GABRB2: variants seen among roughly 807,000 people sequenced by gnomAD.
GABRB2 encodes gamma-aminobutyric acid type A receptor subunit beta2.
GABRB2 carries 16 observed loss-of-function variants against 54.7 expected under a neutral mutation model. The observed-to-expected ratio is 0.29, with a 90% CI of 0.20 to 0.44. GABRB2 has a LOEUF of 0.44. Ranked by LOEUF, GABRB2 falls within the 20% of genes least tolerant of loss-of-function variation. GABRB2 has a pLI of 1.00. For missense variants in GABRB2, 355 were observed against 644.0 expected, an observed-to-expected ratio of 0.55 and a Z score of 4.86; for synonymous variants, 244 against 233.8, an observed-to-expected ratio of 1.04 and a Z score of -0.40.
chr5:161,469,525 A>AC (rs376036704), intron 3 of GABRB2, among the ~76,000 whole-genome samples: 1 of 151,342 alleles, frequency 6.6e-6, no homozygotes, highest in Non-Finnish European at 1.5e-5. Flanking sequence ...AAACCAAAAA[A>AC]CAAAAAACAA....
At chr5:161,411,408 A>C (rs2113115693) in intron 4 of GABRB2, among the ~76,000 whole-genome samples, 1 of 152,312 alleles carries the variant, frequency 6.6e-6, no homozygotes, top group Admixed American at 6.5e-5. Flanking sequence ...AATGTGGGCA[A>C]AGAATATTCC....
intron 5 of GABRB2, among the ~76,000 whole-genome samples, chr5:161,370,390 A>G (rs1417890220): frequency 2.6e-5 from 4 of 152,180 alleles, no homozygotes; most frequent in Non-Finnish European, 5.9e-5. Flanking sequence ...GCAGAAGTAG[A>G]GTTGAAAATA....
chr5:161,412,755 T>C (rs1756556157), intron 4 of GABRB2, among the ~76,000 whole-genome samples: 1 of 152,200 alleles, frequency 6.6e-6, no homozygotes, highest in South Asian at 2.1e-4. Flanking sequence ...ATAGAGCCCT[T>C]GCTCCTGATC....
chr5:161,519,196 A>C (rs1020330696), intron 3 of GABRB2, among the ~76,000 whole-genome samples: 10 of 152,204 alleles, frequency 6.6e-5, no homozygotes, highest in African/African-American at 2.4e-4. Context: ...GGAGACTGTA[A>C]GCCACAACTG....
chr5:161,378,967 A>G (rs2113479991), intron 5 of GABRB2, among the ~76,000 whole-genome samples: 1 of 152,246 alleles, frequency 6.6e-6, no homozygotes, highest in South Asian at 2.1e-4. Context: ...CAATTTGGAG[A>G]AGTGGCCATC....
chr5:161,457,744 C>T (rs1758002161), intron 4 of GABRB2, among the ~76,000 whole-genome samples: 1 of 152,092 alleles, frequency 6.6e-6, no homozygotes, highest in African/African-American at 2.4e-5. Context: ...CTGCGCTCAG[C>T]CCCCTTTTCC....
intron 5 of GABRB2, among the ~76,000 whole-genome samples, chr5:161,403,439 C>T (rs978601477): frequency 6.6e-6 from 1 of 152,070 alleles, no homozygotes; most frequent in African/African-American, 2.4e-5. Flanking sequence ...TGTAAAAGTG[C>T]TGAGGAAATG....
chr5:161,294,461 A>C (rs1297265264), intron 9 of GABRB2, 33 bp from the exon 10 acceptor site: 1 of 1,582,618 alleles, frequency 6.3e-7, no homozygotes, highest in Admixed American at 1.7e-5. Context: ...AGACAATCAG[A>C]ACAATGAAGC....
intron 4 of GABRB2, among the ~76,000 whole-genome samples, chr5:161,450,877 G>A (rs2113236153): frequency 6.6e-6 from 1 of 152,184 alleles, no homozygotes; most frequent in African/African-American, 2.4e-5. Flanking sequence ...TCACATACAG[G>A]TGGAGACAGG....
At chr5:161,518,900 T>G (rs1581053545) in intron 3 of GABRB2, among the ~76,000 whole-genome samples, 1 of 152,242 alleles carries the variant, frequency 6.6e-6, no homozygotes, top group Non-Finnish European at 1.5e-5. Flanking sequence ...TAAATTTTAG[T>G]TAAAAGTGGA....
chr5:161,332,393 A>G (rs1305822696), intron 7 of GABRB2, among the ~76,000 whole-genome samples: 1 of 152,196 alleles, frequency 6.6e-6, no homozygotes, highest in East Asian at 1.9e-4. Flanking sequence ...AATTAGGCAT[A>G]TAATGCCTAG....
chr5:161,334,687 G>A (rs1203498983), intron 7 of GABRB2, 65 bp downstream of exon 7: 27 of 1,541,632 alleles, frequency 1.8e-5, no homozygotes, highest in East Asian at 2.3e-5. Context: ...AGGAAAACGC[G>A]TGCATGCGAA....
At chr5:161,525,980 G>A (rs976274394) in intron 3 of GABRB2, among the ~76,000 whole-genome samples, 4 of 151,274 alleles carry the variant, frequency 2.6e-5, no homozygotes, top group African/African-American at 9.7e-5. Flanking sequence ...TGGCCTAGTT[G>A]ATATAAATTC....
chr5:161,502,208 G>T (rs1002907089), intron 3 of GABRB2, among the ~76,000 whole-genome samples: 2 of 151,482 alleles, frequency 1.3e-5, no homozygotes, highest in African/African-American at 4.8e-5. Context: ...ATAAAACAGG[G>T]TGAAAAAATA....
At chr5:161,463,579 A>G (rs1411963621) in intron 3 of GABRB2, among the ~76,000 whole-genome samples, 1 of 125,960 alleles carries the variant, frequency 7.9e-6, no homozygotes, top group African/African-American at 3.0e-5. Flanking sequence ...ATATATATAT[A>G]TATATATATA....
chr5:161,369,801 A>G (rs1434035745), intron 5 of GABRB2, among the ~76,000 whole-genome samples: 1 of 152,064 alleles, frequency 6.6e-6, no homozygotes, highest in Non-Finnish European at 1.5e-5. Flanking sequence ...TATTTGCCTG[A>G]CCTCTTATCT....
intron 9 of GABRB2, among the ~76,000 whole-genome samples, chr5:161,303,840 CA>C (rs1757606169): frequency 1.3e-5 from 2 of 151,428 alleles, no homozygotes; most frequent in African/African-American, 4.8e-5. Flanking sequence ...CTCTGGCCCT[CA>C]GTGTTCTTTA....
chr5:161,324,704 T>G (rs570199582), intron 9 of GABRB2, among the ~76,000 whole-genome samples: 59 of 152,212 alleles, frequency 3.9e-4, no homozygotes, highest in Non-Finnish European at 6.0e-4. Context: ...AGCTTGTTAT[T>G]TGAACTTTCA....
At position 161,372,393 on chromosome 5, in the gene GABRB2, A is replaced by T. The variant is rs1755159306; in HGVS notation, c.542-35624T>A. On this transcript the variant is annotated intron_variant, in intron 5 of 9. Coordinates refer to ENST00000393959, the MANE Select transcript of GABRB2 (RefSeq NM_001371727.1). ...AGTCCCCATCACCCCCTTTTGTTGT[A>T]TACATGGTTAGGCTTACTTTTTTTC... Among the ~76,000 whole-genome samples, 4 of 152,244 alleles carry T rather than the reference A, an allele frequency of 2.6e-5. No individual in the cohort carries two copies. In the South Asian group the frequency reaches 8.3e-4, roughly 32 times the overall value.
Sources: gnomAD v4.1 joint callset for allele counts (sites outside exome capture counted in the v4.1 genomes callset) on GRCh38, gnomAD v4.1.1 for gene constraint, MANE v1.5 for transcripts, NCBI Gene and HGNC (gene_info 2026-07-23, HGNC 2026-07-21) for gene names.